Variants in GLB1L observed in about 807,000 individuals in gnomAD.
The protein encoded by GLB1L is galactosidase beta 1 like.
GLB1L carries 58 observed loss-of-function variants against 75.7 expected under a neutral mutation model. That is an observed-to-expected ratio of 0.77 (90% CI 0.62 to 0.95). GLB1L has a LOEUF of 0.95. GLB1L is among the 40% of genes least tolerant of loss of function. The pLI, the probability that GLB1L is intolerant of heterozygous loss-of-function variation, is 0.00. For synonymous variants in GLB1L, 296 were observed against 303.0 expected, an observed-to-expected ratio of 0.98 and a Z score of 0.24; for missense variants, 797 against 805.5, an observed-to-expected ratio of 0.99 and a Z score of 0.13.
At chr2:219,238,801 A>T (rs747293237) in intron 11 of GLB1L, 22 bp from the exon 12 acceptor site, 1 of 1,598,248 alleles carries the variant, frequency 6.3e-7, no homozygotes, top group South Asian at 1.1e-5. Flanking sequence ...TTCTCTCAGG[A>T]TCCATAGGAA....
intron 11 of GLB1L, 87 bp downstream of exon 11, chr2:219,239,005 C>G (rs1951321324): frequency 4.0e-6 from 4 of 1,011,632 alleles, no homozygotes; most frequent in Non-Finnish European, 6.1e-6. Flanking sequence ...ACAATAACCA[C>G]CAATTTATGG....
At position 219,242,694 on chromosome 2, in the gene GLB1L, G is replaced by A. The variant is rs1951420692; in HGVS notation, c.390+74C>T. ...GAATATAGTGCTGGAGATGGCCCTA[G>A]AGTGTGGGCAGATGGGAGTAGTCTA... On this transcript the variant is annotated intron_variant, in intron 4 of 16. Transcript: ENST00000295759. 5.1e-6 allele frequency: 8 copies of A among 1,556,440 alleles called. 1 individual carries two copies. The Middle Eastern group carries it at 5.0e-4, about 98-fold the overall frequency.
rs1363540995 is a variant in GLB1L at position 219,237,820 on chromosome 2, G to C, written c.1473+6C>G. On this transcript the variant is annotated splice_donor_region_variant and intron_variant, in intron 15 of 16. Coordinates refer to ENST00000295759, the MANE Select transcript of GLB1L (RefSeq NM_001286423.2). ...CCTGGGATATAACTAGGCAAAGCTA[G>C]CTCACCTTGAAGTCACTGCTGTTAG... The C allele has an allele frequency of 6.2e-7, 1 of 1,613,956 alleles. No homozygotes were observed. Among genetic ancestry groups the C allele is most frequent in the East Asian group, 2.2e-5 (1 of 44,904 alleles).
In GLB1L at chr2:219,236,995, A is replaced by G. The variant is rs901067040; in HGVS notation, c.*77T>C. On this transcript the variant is annotated 3_prime_UTR_variant, in exon 17 of 17. Transcript: ENST00000295759. ...TGGCCAGGCTGGTCTTGAAGTCCTG[A>G]CCTCAGGTAATCCACCCGTCTCAGC... The G allele has an allele frequency of 1.9e-6, 2 of 1,074,638 alleles. No homozygotes were observed. The highest frequency in any genetic ancestry group is 3.2e-5 in the African/African-American group (2 of 63,432). The allele number at this position is 1,074,638 out of a possible 1,614,324, so 66.6% of individuals were successfully genotyped here. A position where few individuals can be genotyped will look rare whatever the true frequency, so the allele number is the denominator to read the frequency against.
rs747556502 is a variant in GLB1L, at chr2:219,243,252, C to G, written c.135G>C (p.Pro45=). 1.2e-6 allele frequency: 2 copies of G among 1,613,824 alleles called. No individual in the cohort carries two copies. The highest frequency in any genetic ancestry group is 2.7e-5 in the African/African-American group (2 of 74,936). The change falls in exon 3 of 17, where the codon CCG becomes CCC. Residue 45 remains proline (P), a synonymous_variant. Transcript: ENST00000295759. ...GHDRFLLDGA[P]FRYVSGSLHY... is the part of the protein sequence containing the mutation. ...GCAGGCTGCCAGACACATAGCGGAA[C>G]GGGGCCCCGTCTAGGAGAAACCGGT...
rs1016724480 is a variant in GLB1L at position 219,239,090 on chromosome 2, A to G, written c.1062+2T>C. On this transcript the variant is annotated splice_donor_variant, in intron 11 of 16. Transcript: ENST00000295759. LOFTEE classifies it high-confidence loss of function. ...TTGGAGCTTAATGAAATGGTAGGGT[A>G]CCTTGCTGATGACATCTCGAAGAGC... The G allele has an allele frequency of 6.3e-6, 10 of 1,579,450 alleles. No individual in the cohort carries two copies. Among genetic ancestry groups the G allele is most frequent in the Non-Finnish European group, 8.7e-6 (10 of 1,149,348 alleles).
chr2:219,238,287 T>G lies in GLB1L; in HGVS notation c.1304A>C (p.Asn435Thr), dbSNP rs765713146. 6.2e-7 allele frequency: 1 copy of G among 1,612,626 alleles called. No individual in the cohort carries two copies. The highest frequency in any genetic ancestry group is 1.7e-5 in the Admixed American group (1 of 59,810). ...CACATAGGCACGGTCATGGACTCCA[T>G]TATTTGGCACCCAGAATGGTGTTGG... ...FEPTPFWVPNNGVHDRAYVMV... is the reference protein window; with the variant it reads ...FEPTPFWVPNTGVHDRAYVMV... The change falls in exon 14 of 17, where the codon AAT (asparagine) becomes ACT (threonine). Residue 435 changes from asparagine to threonine, a missense_variant. Asn to Thr is a moderately conservative substitution (Grantham distance 65). Transcript: ENST00000295759.
chr2:219,243,034 T>C, intron 3 of GLB1L, 114 bp downstream of exon 3: 2 of 1,549,886 alleles, frequency 1.3e-6, no homozygotes, highest in Non-Finnish European at 1.8e-6. Flanking sequence ...TGGCCTGCCC[T>C]TTCCCACCCT....
At position 219,243,581 on chromosome 2, in the gene GLB1L, A is replaced by G; in HGVS notation, c.-8T>C. Reference sequence around the variant, plus strand: ...CAGCTTCTTGGGAGCCATGGCGTTTACAGCGCTCCTCTAGTCTGAGACGGC... The same window carrying G: ...CAGCTTCTTGGGAGCCATGGCGTTTGCAGCGCTCCTCTAGTCTGAGACGGC... On this transcript the variant is annotated 5_prime_UTR_variant, in exon 2 of 17. Transcript: ENST00000295759. 1 of 1,614,020 alleles carries G rather than the reference A, an allele frequency of 6.2e-7. No homozygotes were observed. Among genetic ancestry groups the G allele is most frequent in the Non-Finnish European group, 8.5e-7 (1 of 1,179,884 alleles).
chr2:219,243,574 G>C lies in GLB1L; in HGVS notation c.-1C>G. The stretch of plus-strand genomic sequence containing the variant: ...GGCAGGACAGCTTCTTGGGAGCCAT[G>C]GCGTTTACAGCGCTCCTCTAGTCTG... On this transcript the variant is annotated 5_prime_UTR_variant, in exon 2 of 17. Coordinates refer to ENST00000295759, the MANE Select transcript of GLB1L (RefSeq NM_001286423.2). 6.2e-7 allele frequency: 1 copy of C among 1,614,122 alleles called. No homozygotes were observed. Among genetic ancestry groups the C allele is most frequent in the Non-Finnish European group, 8.5e-7 (1 of 1,179,970 alleles).
At position 219,238,668 on chromosome 2, in the gene GLB1L, A is replaced by C. The variant is rs1408658717; in HGVS notation, c.1137+37T>G. 4.2e-5 allele frequency: 68 copies of C among 1,604,752 alleles called. 1 individual carries two copies. The highest frequency in any genetic ancestry group is 5.7e-5 in the Non-Finnish European group (67 of 1,172,944). ...AAAGAATAGGCTATTTAGAAAAAAA[A>C]GGTGTGGTATAAGAGAAAAGATGTG... is the stretch of plus-strand genomic sequence containing the variant. On this transcript the variant is annotated intron_variant, in intron 12 of 16. Transcript: ENST00000295759.
chr2:219,239,389 C>T lies in GLB1L; in HGVS notation c.943+22G>A, dbSNP rs576092452. 6.9e-4 allele frequency: 1,089 copies of T among 1,576,704 alleles called. 16 individuals are homozygous for T. In the South Asian group the frequency reaches 0.012, roughly 18 times the overall value. ...TTCCTTGTTACCTCCCTGCTTCTATCCCAGGGACCATCTGGACTCACCATT... is the reference window on the plus strand; with the variant it reads ...TTCCTTGTTACCTCCCTGCTTCTATTCCAGGGACCATCTGGACTCACCATT... On this transcript the variant is annotated intron_variant, in intron 10 of 16. Coordinates refer to ENST00000295759, the MANE Select transcript of GLB1L (RefSeq NM_001286423.2).
chr2:219,240,506 G>A (rs1254943419), intron 5 of GLB1L, among the ~76,000 whole-genome samples: 2 of 152,244 alleles, frequency 1.3e-5, no homozygotes, highest in African/African-American at 4.8e-5. Context: ...CACTTTGGGA[G>A]GCGGAGGCAG....
In GLB1L at chr2:219,237,598, G is replaced by T; in HGVS notation, c.1603C>A (p.Pro535Thr). Residue 535 changes from proline (P) to threonine (T), a missense_variant, in exon 16 of 17, where the codon CCT becomes ACT. Transcript: ENST00000295759. ...QLPKWPYPQA[P>T]SGPTFYSKTF... is the part of the protein sequence containing the mutation. ...TTGGAGTAGAATGTGGGGCCAGAAG[G>T]AGCTTGAGGATATGGCCATTTTGGC... The T allele has an allele frequency of 6.2e-7, 1 of 1,614,170 alleles. No individual in the cohort carries two copies.
At chr2:219,241,463 T>TATATATAC (rs1202119681) in intron 5 of GLB1L, among the ~76,000 whole-genome samples, 4 of 137,576 alleles carry the variant, frequency 2.9e-5, no homozygotes, top group Non-Finnish European at 6.2e-5. Flanking sequence ...TATATATATA[T>TATATATAC]ATACATACAT....
intron 16 of GLB1L, 26 bp downstream of exon 16, chr2:219,237,486 A>G (rs769999302): frequency 6.8e-6 from 11 of 1,610,962 alleles, no homozygotes; most frequent in South Asian, 1.1e-5. Context: ...CCTCCCCGCT[A>G]CCCAAACCAC....
intron 13 of GLB1L, 59 bp from the exon 14 acceptor site, chr2:219,238,422 A>G: frequency 6.4e-7 from 1 of 1,562,192 alleles, no homozygotes; most frequent in Non-Finnish European, 8.8e-7. Context: ...CACTGTGACT[A>G]TAGCCAAGGA....
At position 219,236,954 on chromosome 2, in the gene GLB1L, C is replaced by T. The variant is rs180863263; in HGVS notation, c.*118G>A. On this transcript the variant is annotated 3_prime_UTR_variant, in exon 17 of 17. Coordinates refer to ENST00000295759, the MANE Select transcript of GLB1L (RefSeq NM_001286423.2). ...CTAATTTTTGTATTTTTAGTGGAGA[C>T]GGGGTTTCACCATGTTGGCCAGGCT... is the stretch of plus-strand genomic sequence containing the variant. 917 of 690,590 alleles carry T rather than the reference C, an allele frequency of 1.3e-3. 4 individuals are homozygous for T. Among genetic ancestry groups the T allele is most frequent in the African/African-American group, 6.8e-3 (379 of 55,492 alleles). 42.8% of individuals were successfully genotyped at this position (690,590 alleles called of 1,614,324 possible). A position where few individuals can be genotyped will look rare whatever the true frequency, so the allele number is the denominator to read the frequency against.
intron 1 of GLB1L, among the ~76,000 whole-genome samples, chr2:219,244,511 CA>C (rs1043951277): frequency 5.9e-5 from 9 of 152,152 alleles, no homozygotes; most frequent in Admixed American, 3.9e-4. Context: ...CCTGTTTCAG[CA>C]AAACAGCCAT....
Sources: allele counts gnomAD v4.1 joint callset (sites outside exome capture counted in the v4.1 genomes callset), GRCh38; gene constraint gnomAD v4.1.1; transcripts MANE v1.5; gene names NCBI Gene and HGNC (gene_info 2026-07-23, HGNC 2026-07-21).